The following CTNNA2 variants were observed in gnomAD, a reference collection of about 807,000 sequenced individuals.
CTNNA2 encodes the protein catenin alpha-2.
Under a neutral mutation model 101.0 loss-of-function variants are expected in CTNNA2, and 42 were observed. The ratio of observed to expected loss-of-function variants is 0.42; its 90% CI spans 0.32 to 0.54. The LOEUF (loss-of-function observed/expected upper bound fraction) is 0.54, where lower values mean the gene tolerates loss of function less well. CTNNA2 is among the 20% of genes least tolerant of loss of function. The pLI, the probability that CTNNA2 is intolerant of heterozygous loss-of-function variation, is 0.14. For missense variants in CTNNA2, 871 were observed against 1,223.1 expected (o/e 0.71, Z 4.29); for synonymous variants, 450 against 456.4 (o/e 0.99, Z 0.18).
intron 7 of CTNNA2, among the ~76,000 whole-genome samples, chr2:79,954,551 G>A (rs929485436): frequency 2.0e-5 from 3 of 152,106 alleles, no homozygotes; most frequent in Non-Finnish European, 4.4e-5. Flanking sequence ...ATTTTTGGCT[G>A]CACAAATTAC....
intron 1 of CTNNA2, among the ~76,000 whole-genome samples, chr2:79,193,854 A>G (rs1182917592): frequency 6.6e-6 from 1 of 152,214 alleles, no homozygotes; most frequent in East Asian, 1.9e-4. Context: ...GCCACAAGGG[A>G]TAATAATGGT....
chr2:80,390,768 C>T (rs1677434107), intron 7 of CTNNA2, among the ~76,000 whole-genome samples: 1 of 152,122 alleles, frequency 6.6e-6, no homozygotes, highest in African/African-American at 2.4e-5. Context: ...CCTATTGGAT[C>T]CTGTCTTTAT....
At chr2:80,098,417 C>CG (rs945925844) in intron 7 of CTNNA2, among the ~76,000 whole-genome samples, 3 of 152,138 alleles carry the variant, frequency 2.0e-5, no homozygotes, top group African/African-American at 4.8e-5. Flanking sequence ...TCCGCCCCCA[C>CG]GGGGGGGTTG....
At chr2:79,672,708 C>CT (rs768344475) in intron 2 of CTNNA2, among the ~76,000 whole-genome samples, 4,170 of 134,270 alleles carry the variant, frequency 0.031, 88 homozygotes, top group Middle Eastern at 0.042. Context: ...TTTCTTTTTT[C>CT]TTTTTTTTTT....
intron 7 of CTNNA2, among the ~76,000 whole-genome samples, chr2:80,219,506 C>T (rs530688398): frequency 1.9e-4 from 29 of 152,132 alleles, no homozygotes; most frequent in Admixed American, 9.8e-4. Flanking sequence ...TAATTTCTAT[C>T]GCTTTTGTTT....
rs144946058 is a variant in CTNNA2, at chr2:79,968,921, C to T, written c.1056+59124C>T. On this transcript the variant is annotated intron_variant, in intron 7 of 18. Coordinates refer to ENST00000402739, the MANE Select transcript of CTNNA2 (RefSeq NM_001282597.3). ...CAACTACCCCTTTTTGTATTGAGAC[C>T]ATTTGTGTTAAAGAAACTGTTGAAC... Among the ~76,000 whole-genome samples, 313 of 151,950 alleles carry T rather than the reference C, an allele frequency of 2.1e-3. 1 individual carries two copies. Among genetic ancestry groups the T allele is most frequent in the African/African-American group, 7.3e-3 (302 of 41,448 alleles).
At chr2:79,780,791 A>G (rs1285033496) in intron 3 of CTNNA2, among the ~76,000 whole-genome samples, 1 of 152,220 alleles carries the variant, frequency 6.6e-6, no homozygotes, top group Non-Finnish European at 1.5e-5. Context: ...AATTCATGCA[A>G]CTTATACTTT....
intron 8 of CTNNA2, 124 bp downstream of exon 8, chr2:80,393,415 A>G (rs1677709496): frequency 1.5e-6 from 1 of 667,710 alleles, no homozygotes; most frequent in African/African-American, 1.9e-5. Flanking sequence ...ATTTACATAT[A>G]CAAATAAAAA....
intron 3 of CTNNA2, among the ~76,000 whole-genome samples, chr2:79,779,133 GTT>G (rs5832408): frequency 0.024 from 3,522 of 147,100 alleles, 144 homozygotes; most frequent in African/African-American, 0.08. Flanking sequence ...TTCTGTTGTT[GTT>G]TTTTTTTTTT....
intron 7 of CTNNA2, among the ~76,000 whole-genome samples, chr2:80,207,665 G>A (rs1707614662): frequency 6.6e-6 from 1 of 152,162 alleles, no homozygotes; most frequent in African/African-American, 2.4e-5. Flanking sequence ...TTGAGTTTGA[G>A]GGCATGCAGG....
intron 4 of CTNNA2, among the ~76,000 whole-genome samples, chr2:79,450,860 T>C (rs1050285753): frequency 2.6e-5 from 4 of 152,116 alleles, no homozygotes; most frequent in African/African-American, 9.7e-5. Context: ...ATAATTATTA[T>C]CCATGTATTC....
chr2:79,220,742 G>A (rs1674331568), intron 2 of CTNNA2, among the ~76,000 whole-genome samples: 1 of 152,084 alleles, frequency 6.6e-6, no homozygotes, highest in Admixed American at 6.5e-5. Flanking sequence ...CACCCTCATA[G>A]AAATCAATAA....
chr2:79,708,672 A>C (rs1685544757), intron 2 of CTNNA2, among the ~76,000 whole-genome samples: 1 of 138,942 alleles, frequency 7.2e-6, no homozygotes, highest in Non-Finnish European at 1.5e-5. Context: ...TATAAGGATA[A>C]TTTAGGAGAA....
At chr2:79,889,228 T>C (rs1684124694) in intron 6 of CTNNA2, among the ~76,000 whole-genome samples, 1 of 152,112 alleles carries the variant, frequency 6.6e-6, no homozygotes, top group African/African-American at 2.4e-5. Context: ...AAGCATCCAT[T>C]TGGATTTTTC....
rs554568044 is a variant in CTNNA2, at chr2:80,137,294, A to C, written c.1056+227497A>C. Among the ~76,000 whole-genome samples, 6 of 152,292 alleles carry C rather than the reference A, an allele frequency of 3.9e-5. 1 individual carries two copies. Among genetic ancestry groups the C allele is most frequent in the African/African-American group, 1.4e-4 (6 of 41,574 alleles). ...AGGAGTTTGGGGCTGCTAGGAAGGA[A>C]GTTATAGGCAATTGAATTTGGCTCA... On this transcript the variant is annotated intron_variant, in intron 7 of 18. Transcript: ENST00000402739.
At chr2:79,335,450 G>C (rs760950907) in intron 3 of CTNNA2, among the ~76,000 whole-genome samples, 24 of 152,076 alleles carry the variant, frequency 1.6e-4, no homozygotes, top group Non-Finnish European at 2.9e-4. Flanking sequence ...CACTCTCCAG[G>C]CTGTTAATGC....
At position 80,355,338 on chromosome 2, in the gene CTNNA2, A is replaced by G. The variant is rs961292668; in HGVS notation, c.1057-37873A>G. Among the ~76,000 whole-genome samples the G allele has an allele frequency of 9.8e-5, 15 of 152,302 alleles. No homozygotes were observed. In the Middle Eastern group the frequency reaches 0.01, roughly 104 times the overall value. ...TCTAGAACAGATCGTTTTTCTGATA[A>G]AAAGTCTGCATGCTCTTTTTGCTCT... is the stretch of plus-strand genomic sequence containing the variant. On this transcript the variant is annotated intron_variant, in intron 7 of 18. Coordinates refer to ENST00000402739, the MANE Select transcript of CTNNA2 (RefSeq NM_001282597.3).
intron 1 of CTNNA2, among the ~76,000 whole-genome samples, chr2:79,559,713 C>G (rs1047815280): frequency 1.3e-5 from 2 of 151,740 alleles, no homozygotes; most frequent in Non-Finnish European, 2.9e-5. Flanking sequence ...GTAGTTCTAT[C>G]TAGCAGAGAA....
At chr2:79,789,819 G>A (rs1485478405) in intron 3 of CTNNA2, among the ~76,000 whole-genome samples, 3 of 151,996 alleles carry the variant, frequency 2.0e-5, no homozygotes, top group Non-Finnish European at 4.4e-5. Context: ...TGGGAAGATG[G>A]CATATTAATA....
Sources: gnomAD v4.1 joint callset for allele counts (sites outside exome capture counted in the v4.1 genomes callset) on GRCh38, gnomAD v4.1.1 for gene constraint, MANE v1.5 for transcripts, NCBI Gene and HGNC (gene_info 2026-07-23, HGNC 2026-07-21) for gene names.